FAM81B: variants seen among roughly 807,000 people sequenced by gnomAD.
The protein encoded by FAM81B is protein FAM81B.
In FAM81B, 60 loss-of-function variants were observed where a neutral mutation model predicts 58.7. The ratio of observed to expected loss-of-function variants is 1.02; its 90% CI spans 0.83 to 1.27. FAM81B has a LOEUF of 1.27. Among genes scored for constraint, FAM81B ranks in the 50% most tolerant of loss-of-function variants. The pLI is 0.00. For missense variants in FAM81B, 491 were observed against 522.0 expected (o/e 0.94, Z 0.58); for synonymous variants, 189 against 179.6 (o/e 1.05, Z -0.42).
At chr5:95,394,116 T>C (rs1761902996) in intron 2 of FAM81B, among the ~76,000 whole-genome samples, 1 of 152,224 alleles carries the variant, frequency 6.6e-6, no homozygotes, top group Non-Finnish European at 1.5e-5. Flanking sequence ...TTATTCTGTA[T>C]CTTTAACTTT....
chr5:95,395,664 G>C (rs1582778279), intron 2 of FAM81B, among the ~76,000 whole-genome samples: 1 of 152,088 alleles, frequency 6.6e-6, no homozygotes, highest in East Asian at 1.9e-4. Context: ...GACTGCTCTG[G>C]CTATAATAAT....
rs1388974671 is a variant in FAM81B at position 95,437,924 on chromosome 5, C to T, written c.893+1018C>T. 9.2e-5 allele frequency among the ~76,000 whole-genome samples: 14 copies of T among 152,138 alleles called. 1 individual carries two copies. On this transcript the variant is annotated intron_variant, in intron 7 of 9. Coordinates refer to ENST00000283357, the MANE Select transcript of FAM81B (RefSeq NM_152548.3). ...TTGGGTTTAATGCCTTAATCAAATC[C>T]AGTATCCTGATAATACTCTACTTTC...
rs748322382 is a variant in FAM81B at position 95,450,268 on chromosome 5, C to G, written c.1345C>G (p.Leu449Val). ...LKKLQRKIVELQEV is the reference protein window; with the variant it reads ...LKKLQRKIVEVQEV ...GAAATTACAGCGCAAGATAGTGGAACTCCAGGAAGTATAAACCTTTTCAGT... is the reference window on the plus strand; with the variant it reads ...GAAATTACAGCGCAAGATAGTGGAAGTCCAGGAAGTATAAACCTTTTCAGT... Residue 449 changes from leucine (L) to valine (V), a missense_variant, in exon 10 of 10, where the codon CTC (leucine) becomes GTC (valine). By Grantham distance (32) the Leu-to-Val change is conservative. Coordinates refer to ENST00000283357, the MANE Select transcript of FAM81B (RefSeq NM_152548.3). The G allele has an allele frequency of 2.5e-6, 4 of 1,612,608 alleles. No individual in the cohort carries two copies. In the Admixed American group the frequency reaches 5.0e-5, roughly 20 times the overall value.
At chr5:95,405,391 C>A (rs780603569) in intron 3 of FAM81B, among the ~76,000 whole-genome samples, 5 of 152,122 alleles carry the variant, frequency 3.3e-5, no homozygotes, top group African/African-American at 1.2e-4. Context: ...CATTCTTTAG[C>A]TATTTTTTCT....
rs150926447 is a variant in FAM81B, at chr5:95,428,691, G to C, written c.745G>C (p.Val249Leu). The change falls in exon 6 of 10, where the codon GTG becomes CTG. Residue 249 changes from valine (V) to leucine (L), a missense_variant. By Grantham distance (32) the Val-to-Leu change is conservative. Coordinates refer to ENST00000283357, the MANE Select transcript of FAM81B (RefSeq NM_152548.3). Reference protein sequence around the residue: ...RQIEKAIQEFVPALETLSKNL... With the variant: ...RQIEKAIQEFLPALETLSKNL... ...AATTGAGAAAGCCATTCAAGAATTC[G>C]TGCCCGCCCTGGAAACTCTTTCCAA... is the stretch of plus-strand genomic sequence containing the variant. 4 of 1,613,818 alleles carry C rather than the reference G, an allele frequency of 2.5e-6. No homozygotes were observed. The African/African-American group carries it at 5.3e-5, about 22-fold the overall frequency.
intron 3 of FAM81B, among the ~76,000 whole-genome samples, chr5:95,401,992 C>T (rs556446633): frequency 1.3e-5 from 2 of 152,318 alleles, no homozygotes; most frequent in African/African-American, 2.4e-5. Flanking sequence ...AGGAATTTTT[C>T]CTCCTGTGGT....
At chr5:95,429,974 G>A (rs1744804464) in intron 6 of FAM81B, among the ~76,000 whole-genome samples, 1 of 151,956 alleles carries the variant, frequency 6.6e-6, no homozygotes. Flanking sequence ...TTTTTGGTTT[G>A]GGGATTTGTG....
intron 5 of FAM81B, among the ~76,000 whole-genome samples, chr5:95,421,502 A>G (rs1291307644): frequency 1.3e-5 from 2 of 152,220 alleles, no homozygotes; most frequent in African/African-American, 2.4e-5. Context: ...ATTTTGAGAA[A>G]GTTGGGACAG....
In FAM81B at chr5:95,392,969, G is replaced by A. The variant is rs555443983; in HGVS notation, c.228+72G>A. ...GCTTCTTTAAAGTTTAGAGTGCTTA[G>A]AGAGTTTAAGAAGTTCTGGAAGAAT... On this transcript the variant is annotated intron_variant, in intron 2 of 9. Coordinates refer to ENST00000283357, the MANE Select transcript of FAM81B (RefSeq NM_152548.3). 3.5e-5 allele frequency: 46 copies of A among 1,296,828 alleles called. No individual in the cohort carries two copies. The African/African-American group carries it at 6.7e-4, about 19-fold the overall frequency. The allele number at this position is 1,296,828 out of a possible 1,614,324, so 80.3% of individuals were successfully genotyped here.
At chr5:95,431,752 C>A (rs575086600) in intron 6 of FAM81B, among the ~76,000 whole-genome samples, 7 of 151,942 alleles carry the variant, frequency 4.6e-5, no homozygotes, top group African/African-American at 1.7e-4. Flanking sequence ...CTTCGATATG[C>A]CCTCTAATTC....
At chr5:95,396,013 C>T (rs1232196095) in intron 2 of FAM81B, 98 bp from the exon 3 acceptor site, 16 of 925,310 alleles carry the variant, frequency 1.7e-5, no homozygotes, top group Non-Finnish European at 2.4e-5. Flanking sequence ...CTATGGTATA[C>T]ATTTTGTTTA....
chr5:95,422,556 CACT>C (rs1292186872), intron 5 of FAM81B, among the ~76,000 whole-genome samples: 1 of 132,220 alleles, frequency 7.6e-6, no homozygotes, highest in East Asian at 2.1e-4. Flanking sequence ...GATCTTGGCT[CACT>C]GCAGCCTCTG....
At chr5:95,425,788 A>G (rs956223579) in intron 5 of FAM81B, among the ~76,000 whole-genome samples, 2 of 152,138 alleles carry the variant, frequency 1.3e-5, no homozygotes, top group Non-Finnish European at 2.9e-5. Flanking sequence ...TGAAGGCACA[A>G]GTATATAAAC....
chr5:95,413,859 T>A, intron 3 of FAM81B, 88 bp from the exon 4 acceptor site: 1 of 1,510,520 alleles, frequency 6.6e-7, no homozygotes. Context: ...AAATAAAGGA[T>A]CAGAAGTGAG....
At chr5:95,418,714 A>T (rs1025388761) in intron 4 of FAM81B, among the ~76,000 whole-genome samples, 6 of 152,172 alleles carry the variant, frequency 3.9e-5, no homozygotes, top group African/African-American at 1.4e-4. Flanking sequence ...CCCTTGGATA[A>T]GAGGAGACTA....
intron 9 of FAM81B, among the ~76,000 whole-genome samples, chr5:95,449,564 A>C (rs916125845): frequency 6.6e-6 from 1 of 152,222 alleles, no homozygotes; most frequent in African/African-American, 2.4e-5. Flanking sequence ...TTATGCCTTT[A>C]ATAAAAATGT....
At chr5:95,396,372 T>C (rs1271916598) in intron 3 of FAM81B, among the ~76,000 whole-genome samples, 197 bp downstream of exon 3, 1 of 152,224 alleles carries the variant, frequency 6.6e-6, no homozygotes, top group Non-Finnish European at 1.5e-5. Context: ...TCCTTTCTGA[T>C]TGACAGAACA....
chr5:95,425,728 A>G (rs1762805565), intron 5 of FAM81B, among the ~76,000 whole-genome samples: 1 of 152,192 alleles, frequency 6.6e-6, no homozygotes, highest in Non-Finnish European at 1.5e-5. Context: ...ACACAGTGCA[A>G]ATGTCATAAA....
chr5:95,445,068 T>C (rs1227652903), intron 7 of FAM81B, among the ~76,000 whole-genome samples: 1 of 152,178 alleles, frequency 6.6e-6, no homozygotes, highest in African/African-American at 2.4e-5. Context: ...CTAAAAATAA[T>C]GATTTCACAG....
Sources: allele counts gnomAD v4.1 joint callset (sites outside exome capture counted in the v4.1 genomes callset), GRCh38; gene constraint gnomAD v4.1.1; transcripts MANE v1.5; gene names NCBI Gene and HGNC (gene_info 2026-07-23, HGNC 2026-07-21).